The following BICC1 variants were observed in gnomAD, a reference collection of about 807,000 sequenced individuals.
BICC1 encodes the protein protein bicaudal C homolog 1.
Under a neutral mutation model 111.0 loss-of-function variants are expected in BICC1, and 43 were observed. That is an observed-to-expected ratio of 0.39 (90% CI 0.30 to 0.50). BICC1 has a LOEUF of 0.50. Ranked by LOEUF, BICC1 falls within the 20% of genes least tolerant of loss-of-function variation. The pLI is 0.88. For synonymous variants in BICC1, 467 were observed against 434.4 expected, an observed-to-expected ratio of 1.07 and a Z score of -0.93; for missense variants, 1,091 against 1,203.2, an observed-to-expected ratio of 0.91 and a Z score of 1.38.
At chr10:58,685,307 G>T (rs1344213068) in intron 2 of BICC1, among the ~76,000 whole-genome samples, 1 of 152,146 alleles carries the variant, frequency 6.6e-6, no homozygotes, top group South Asian at 2.1e-4. Flanking sequence ...GTCAGTTTTG[G>T]AATAAGTGTG....
intron 2 of BICC1, among the ~76,000 whole-genome samples, chr10:58,624,177 G>A (rs1021653075): frequency 6.6e-5 from 10 of 151,994 alleles, no homozygotes; most frequent in Admixed American, 6.6e-5. Flanking sequence ...TCTTCATATG[G>A]CATTTTCTCT....
rs1314561355 is a variant in BICC1 at position 58,829,398 on chromosome 10, T to C, written c.*507T>C. 6.6e-6 allele frequency: 1 copy of C among 152,188 alleles called. No homozygotes were observed. The highest frequency in any genetic ancestry group is 1.9e-4 in the East Asian group (1 of 5,194). The allele number at this position is 152,188 out of a possible 1,614,324, so 9.4% of individuals were successfully genotyped here. A position where few individuals can be genotyped will look rare whatever the true frequency, so the allele number is the denominator to read the frequency against. On this transcript the variant is annotated 3_prime_UTR_variant, in exon 21 of 21. Coordinates refer to ENST00000373886, the MANE Select transcript of BICC1 (RefSeq NM_001080512.3). ...CAGCACTTTACACGTTCTAATTTCT[T>C]GTCCTATGGAAGTTCTCGCTGTCTC...
intron 3 of BICC1, among the ~76,000 whole-genome samples, chr10:58,718,410 G>A (rs1840817343): frequency 6.6e-6 from 1 of 152,118 alleles, no homozygotes; most frequent in Admixed American, 6.5e-5. Context: ...TGTCAGCATT[G>A]GGGGTAGGTT....
chr10:58,802,915 A>G (rs1485765411), intron 14 of BICC1, among the ~76,000 whole-genome samples, 162 bp from the exon 15 acceptor site: 3 of 152,228 alleles, frequency 2.0e-5, no homozygotes, highest in Non-Finnish European at 4.4e-5. Context: ...AAGTGGGGAT[A>G]ACAGTAGTAC....
At chr10:58,536,241 T>C (rs1842823612) in intron 1 of BICC1, among the ~76,000 whole-genome samples, 1 of 151,642 alleles carries the variant, frequency 6.6e-6, no homozygotes, top group Non-Finnish European at 1.5e-5. Context: ...CAGAACATTC[T>C]ACTCAAGAAC....
At chr10:58,779,213 G>A (rs963775937) in intron 3 of BICC1, among the ~76,000 whole-genome samples, 2 of 152,194 alleles carry the variant, frequency 1.3e-5, no homozygotes, top group African/African-American at 4.8e-5. Context: ...AAAGTGACTT[G>A]CCAACCTAAT....
At chr10:58,603,255 A>T (rs1845100928) in intron 1 of BICC1, among the ~76,000 whole-genome samples, 1 of 152,186 alleles carries the variant, frequency 6.6e-6, no homozygotes, top group African/African-American at 2.4e-5. Flanking sequence ...TAAATATGGG[A>T]TAGATGGTAA....
intron 19 of BICC1, among the ~76,000 whole-genome samples, chr10:58,818,000 C>A (rs1476688619): frequency 6.6e-6 from 1 of 152,082 alleles, no homozygotes; most frequent in Non-Finnish European, 1.5e-5. Context: ...ATATAGATTC[C>A]TAGGAATTTT....
At chr10:58,520,871 C>T (rs1842369263) in intron 1 of BICC1, among the ~76,000 whole-genome samples, 1 of 103,752 alleles carries the variant, frequency 9.6e-6, no homozygotes, top group African/African-American at 5.0e-5. Context: ...GAAAATATGC[C>T]CACACATAAT....
rs757528583 is a variant in BICC1 at position 58,813,944 on chromosome 10, G to A, written c.2491G>A (p.Ala831Thr). 3.1e-6 allele frequency: 5 copies of A among 1,614,060 alleles called. No individual in the cohort carries two copies. Among genetic ancestry groups the A allele is most frequent in the Non-Finnish European group, 4.2e-6 (5 of 1,179,934 alleles). ...TGGACCTGGAAGTCATAGTGAATTT[G>A]CAGCTTCTATTGGCAGCCCTAAGCG... The part of the protein sequence containing the change: ...GIGPGSHSEF[A>T]ASIGSPKRKQ... Residue 831 changes from alanine (A) to threonine (T), a missense_variant, in exon 18 of 21, where the codon GCA becomes ACA. By Grantham distance (58) the Ala-to-Thr change is moderately conservative. Around this residue, in one of 3 missense-constraint regions of BICC1, gnomAD observed 231 missense variants for 256.2 expected, o/e 0.90. Coordinates refer to ENST00000373886, the MANE Select transcript of BICC1 (RefSeq NM_001080512.3).
chr10:58,724,509 C>G (rs1841040432), intron 3 of BICC1, among the ~76,000 whole-genome samples: 3 of 152,192 alleles, frequency 2.0e-5, no homozygotes, highest in Admixed American at 2.0e-4. Context: ...CAATGAACAA[C>G]TGGGTCATCT....
chr10:58,684,427 T>A (rs760748572), intron 2 of BICC1, among the ~76,000 whole-genome samples: 1 of 152,190 alleles, frequency 6.6e-6, no homozygotes, highest in Non-Finnish European at 1.5e-5. Flanking sequence ...TTTCTTTTGA[T>A]TGGAATAGTT....
intron 3 of BICC1, 70 bp downstream of exon 3, chr10:58,702,213 G>C: frequency 7.7e-7 from 1 of 1,290,926 alleles, no homozygotes; most frequent in Non-Finnish European, 1.1e-6. Context: ...CAGGTTTGCT[G>C]GGGAGAAAAC....
chr10:58,553,164 C>T (rs1463325592), intron 1 of BICC1, among the ~76,000 whole-genome samples: 1 of 152,078 alleles, frequency 6.6e-6, no homozygotes, highest in Non-Finnish European at 1.5e-5. Flanking sequence ...CAAAGATGTC[C>T]ATATTCAAAT....
intron 2 of BICC1, among the ~76,000 whole-genome samples, chr10:58,663,731 GCC>G (rs1273483323): frequency 6.6e-6 from 1 of 152,206 alleles, no homozygotes; most frequent in Non-Finnish European, 1.5e-5. Flanking sequence ...CCATCTCCCT[GCC>G]CCTGCATTCG....
intron 1 of BICC1, among the ~76,000 whole-genome samples, chr10:58,521,768 G>GTTTTTTTT (rs573116230): frequency 3.5e-5 from 4 of 112,806 alleles, no homozygotes; most frequent in South Asian, 2.6e-4. Flanking sequence ...GGAATGTGGT[G>GTTTTTTTT]TTTTTTTTTT....
At chr10:58,671,787 C>T (rs1383475784) in intron 2 of BICC1, among the ~76,000 whole-genome samples, 2 of 152,146 alleles carry the variant, frequency 1.3e-5, no homozygotes, top group Non-Finnish European at 2.9e-5. Flanking sequence ...ACTCCAGCTT[C>T]TGCACTCACT....
intron 12 of BICC1, 143 bp downstream of exon 12, chr10:58,799,395 T>C (rs1843466357): frequency 1.1e-5 from 6 of 542,168 alleles, no homozygotes; most frequent in Admixed American, 8.2e-5. Flanking sequence ...TTAAAACATG[T>C]TTAAACTTTC....
At position 58,526,677 on chromosome 10, in the gene BICC1, T is replaced by C. The variant is rs527570199; in HGVS notation, c.190+13344T>C. Among the ~76,000 whole-genome samples, 10 of 152,298 alleles carry C rather than the reference T, an allele frequency of 6.6e-5. No homozygotes were observed. In the East Asian group the frequency reaches 1.2e-3, roughly 18 times the overall value. Reference sequence around the variant, plus strand: ...CCCACCTAAGAGTGAGAACATGCGGTGTTTGGTTTTCTGTCCTTGCGATAG... The same window carrying C: ...CCCACCTAAGAGTGAGAACATGCGGCGTTTGGTTTTCTGTCCTTGCGATAG... On this transcript the variant is annotated intron_variant, in intron 1 of 20. Transcript: ENST00000373886.
Sources: gnomAD v4.1 joint callset for allele counts (sites outside exome capture counted in the v4.1 genomes callset) on GRCh38, gnomAD v4.1.1 for gene constraint, gnomAD v4.1.1 regional missense constraint, MANE v1.5 for transcripts, NCBI Gene and HGNC (gene_info 2026-07-23, HGNC 2026-07-21) for gene names.